Variants in LIMS2 observed in about 807,000 individuals in gnomAD.
The protein encoded by LIMS2 is LIM and senescent cell antigen-like-containing domain protein 2.
Under a neutral mutation model 45.3 loss-of-function variants are expected in LIMS2, and 30 were observed. That is an observed-to-expected ratio of 0.66 (90% CI 0.50 to 0.90). The LOEUF is 0.90. Ranked by LOEUF, LIMS2 falls within the 40% of genes least tolerant of loss-of-function variation. The pLI is 0.00. For synonymous variants in LIMS2, 173 were observed against 188.0 expected (o/e 0.92, Z 0.65); for missense variants, 485 against 468.7 (o/e 1.03, Z -0.32).
At chr2:127,674,003 A>C in intron 1 of LIMS2, 1 of 481,050 alleles carries the variant, frequency 2.1e-6, no homozygotes, top group East Asian at 3.9e-5. Context: ...CAGGACTTAC[A>C]AAGTGACAAG....
intron 4 of LIMS2, chr2:127,650,296 C>G: frequency 1.7e-6 from 1 of 578,938 alleles, no homozygotes; most frequent in Non-Finnish European, 3.1e-6. Context: ...AGCTGGAATC[C>G]CGGAGACACA....
intron 4 of LIMS2, chr2:127,650,334 A>G: frequency 1.8e-6 from 1 of 557,004 alleles, no homozygotes; most frequent in East Asian, 3.0e-5. Flanking sequence ...CACCCCTGTC[A>G]CTCAGACAGC....
chr2:127,658,704 A>G lies in LIMS2; in HGVS notation c.12-1142T>C, dbSNP rs191530309. On this transcript the variant is annotated intron_variant, in intron 1 of 9. Transcript: ENST00000355119. The stretch of plus-strand genomic sequence containing the variant: ...AACCGGATACCCCACACCTTTTGCT[A>G]GGAAGGGAGAACGTGGGTTCTGTCT... Among the ~76,000 whole-genome samples, 138 of 152,322 alleles carry G rather than the reference A, an allele frequency of 9.1e-4. 2 individuals carry two copies. In the East Asian group the frequency reaches 0.011, roughly 12 times the overall value.
At chr2:127,641,406 C>A (rs1451890060) in intron 6 of LIMS2, 2 of 199,242 alleles carry the variant, frequency 1.0e-5, no homozygotes, top group Non-Finnish European at 2.1e-5. Flanking sequence ...CCTGCAGGCA[C>A]CCCCTGCAAG....
chr2:127,648,829 G>A (rs1236557830), intron 4 of LIMS2, among the ~76,000 whole-genome samples: 5 of 151,440 alleles, frequency 3.3e-5, no homozygotes, highest in Admixed American at 1.3e-4. Context: ...GTTGAGGTGG[G>A]AGGATCACTT....
chr2:127,648,998 GA>G (rs1683338390), intron 4 of LIMS2, among the ~76,000 whole-genome samples: 2 of 25,238 alleles, frequency 7.9e-5, no homozygotes, highest in Non-Finnish European at 1.6e-4. Flanking sequence ...GGAGGGAGGG[GA>G]GGGGAGGAAG....
rs746275020 is a variant in LIMS2 at position 127,640,161 on chromosome 2, G to A, written c.803-16C>T. On this transcript the variant is annotated splice_polypyrimidine_tract_variant and intron_variant, in intron 8 of 9. Coordinates refer to ENST00000355119, the MANE Select transcript of LIMS2 (RefSeq NM_001161403.3). ...GCCGACACCACTGTGAGGGAAGCGT[G>A]GGACTCAGCAGGCCTGGCTAGGCTG... The A allele has an allele frequency of 6.2e-7, 1 of 1,613,222 alleles. No homozygotes were observed. The highest frequency in any genetic ancestry group is 8.5e-7 in the Non-Finnish European group (1 of 1,179,982).
chr2:127,650,580 C>G, intron 4 of LIMS2: 1 of 647,090 alleles, frequency 1.5e-6, no homozygotes, highest in East Asian at 2.6e-5. Flanking sequence ...GAGGTCCCCT[C>G]AGCAGCCCCG....
upstream of LIMS2, among the ~76,000 whole-genome samples, chr2:127,676,407 CT>C (rs10677718): frequency 6.4e-3 from 741 of 115,850 alleles, 3 homozygotes; most frequent in Middle Eastern, 0.014. Flanking sequence ...GCAGTTGTTA[CT>C]TTTTTTTTTT....
rs763417527 is a variant in LIMS2, at chr2:127,664,301, C to T, written c.12-6739G>A. ...CCGCCACCCGCCCCGCCCCTGGCCA[C>T]CTACCCCGTGGCTGGCGGCGGGCTC... On this transcript the variant is annotated intron_variant, in intron 1 of 9. Coordinates refer to ENST00000355119, the MANE Select transcript of LIMS2 (RefSeq NM_001161403.3). This position sits in a 1 kb window ranked among gnomAD's most constrained non-coding sequence, Gnocchi z 5.5. 245 of 1,236,844 alleles carry T rather than the reference C, an allele frequency of 2.0e-4. 1 individual carries two copies. Among genetic ancestry groups the T allele is most frequent in the Admixed American group, 5.0e-4 (12 of 24,214 alleles). 76.6% of individuals were successfully genotyped at this position (1,236,844 alleles called of 1,614,324 possible). A position where few individuals can be genotyped will look rare whatever the true frequency, so the allele number is the denominator to read the frequency against.
intron 4 of LIMS2, chr2:127,651,930 G>A (rs1683842339): frequency 9.2e-6 from 6 of 651,034 alleles, no homozygotes; most frequent in Non-Finnish European, 1.1e-5. Flanking sequence ...ACTGACAAAG[G>A]GGATCCATCG....
At chr2:127,677,766 G>A (rs1353270965), upstream of LIMS2, among the ~76,000 whole-genome samples, 1 of 152,164 alleles carries the variant, frequency 6.6e-6, no homozygotes, top group African/African-American at 2.4e-5. This position sits in a 1 kb window ranked among gnomAD's most constrained non-coding sequence, Gnocchi z 5.0. Flanking sequence ...AATGAAAAAA[G>A]AGCACCTTTT....
chr2:127,657,097 C>T (rs1345556817), intron 2 of LIMS2, among the ~76,000 whole-genome samples: 1 of 152,162 alleles, frequency 6.6e-6, no homozygotes, highest in African/African-American at 2.4e-5. Context: ...TTGCTGTGCT[C>T]ACTGTCTAGT....
chr2:127,681,312 G>A (rs1037338346), intron 1 of LIMS2: 1 of 152,452 alleles, frequency 6.6e-6, no homozygotes, highest in Non-Finnish European at 1.5e-5. Context: ...CCATCACAGA[G>A]TCTTTACCTC....
Position 127,653,958 on chromosome 2 carries a change from G to A in LIMS2, c.359+466C>T, listed in dbSNP as rs575197742. On this transcript the variant is annotated intron_variant, in intron 4 of 9. Transcript: ENST00000355119. The surrounding 1 kb of genome is among the most constrained non-coding windows in gnomAD (Gnocchi z 5.3). ...GATCTCAGAGCTAGGGCCAGGGGAG[G>A]TGGGAGACAAGGCCACCTGCTATAG... Among the ~76,000 whole-genome samples the A allele has an allele frequency of 6.6e-6, 1 of 152,230 alleles. No individual in the cohort carries two copies. The highest frequency in any genetic ancestry group is 6.5e-5 in the Admixed American group (1 of 15,300).
intron 4 of LIMS2, chr2:127,644,012 G>T (rs1682692608): frequency 2.2e-6 from 1 of 455,840 alleles, no homozygotes; most frequent in Non-Finnish European, 4.4e-6. Flanking sequence ...AGGTTATGGT[G>T]GGCAGACCCC....
chr2:127,650,561 A>T lies in LIMS2; in HGVS notation c.359+3863T>A, dbSNP rs74333260. 2,249 of 611,414 alleles carry T rather than the reference A, an allele frequency of 3.7e-3. 36 individuals are homozygous for T. The highest frequency in any genetic ancestry group is 0.036 in the African/African-American group (1,971 of 54,414). 37.9% of individuals were successfully genotyped at this position (611,414 alleles called of 1,614,324 possible). ...TGCCTCTGACGCTCACGCACACCAA[A>T]TGGACAAGGAGGTCCCCTCAGCAGC... is the stretch of plus-strand genomic sequence containing the variant. On this transcript the variant is annotated intron_variant, in intron 4 of 9. Transcript: ENST00000355119.
intron 1 of LIMS2, chr2:127,673,827 G>A (rs1265332155): frequency 2.9e-5 from 36 of 1,237,316 alleles, no homozygotes; most frequent in Non-Finnish European, 2.7e-5. Context: ...AACCCTAGGG[G>A]GTGACCACAG....
At position 127,641,151 on chromosome 2, in the gene LIMS2, T is replaced by A. The variant is rs562426722; in HGVS notation, c.661-163A>T. The A allele has an allele frequency of 3.2e-4, 195 of 609,912 alleles. 2 individuals carry two copies. The East Asian group carries it at 5.4e-3, about 17-fold the overall frequency. 37.8% of individuals were successfully genotyped at this position (609,912 alleles called of 1,614,324 possible). On this transcript the variant is annotated intron_variant, in intron 6 of 9. Transcript: ENST00000355119. ...ACAGAAGGGGACAGAAAGCAGAGTC[T>A]GGGCAGGTGCAGGCCTTTCAGGATT... is the stretch of plus-strand genomic sequence containing the variant.
Sources: gnomAD v4.1 joint callset for allele counts (sites outside exome capture counted in the v4.1 genomes callset) on GRCh38, gnomAD v4.1.1 for gene constraint, Gnocchi (gnomAD v3.1) non-coding constraint, MANE v1.5 for transcripts, NCBI Gene and HGNC (gene_info 2026-07-23, HGNC 2026-07-21) for gene names.